SMARCAL1: variants seen among roughly 807,000 people sequenced by gnomAD.
SMARCAL1 encodes the protein SNF2 related chromatin remodeling annealing helicase 1, also known as ATP-driven annealing helicase.
A neutral mutation model predicts 94.5 loss-of-function variants in SMARCAL1; 58 were observed. That is an observed-to-expected ratio of 0.61 (90% confidence interval 0.50 to 0.76). The LOEUF (loss-of-function observed/expected upper bound fraction) is 0.76, where lower values mean the gene tolerates loss of function less well. SMARCAL1 is among the 30% of genes least tolerant of loss of function. The pLI, the probability that SMARCAL1 is intolerant of heterozygous loss-of-function variation, is 0.00. For synonymous variants in SMARCAL1, 422 were observed against 455.1 expected, an observed-to-expected ratio of 0.93 and a Z score of 0.93; for missense variants, 1,051 against 1,177.9, an observed-to-expected ratio of 0.89 and a Z score of 1.58.
chr2:216,435,389 G>C lies in SMARCAL1; in HGVS notation c.1537G>C (p.Val513Leu). The change falls in exon 9 of 18, where the codon GTG (valine) becomes CTG (leucine). Residue 513 changes from valine to leucine, a missense_variant. By Grantham distance (32) the Val-to-Leu change is conservative. This residue lies in a region of SMARCAL1 where 642 missense variants were observed against 754.7 expected (regional missense o/e 0.85). Coordinates refer to ENST00000357276, the MANE Select transcript of SMARCAL1 (RefSeq NM_014140.4). ...SLSPDCINVVVTGKDRLTAGL... is the reference protein window; with the variant it reads ...SLSPDCINVVLTGKDRLTAGL... ...GAGCCCAGATTGCATCAACGTCGTG[G>C]TGACTGGGAAGGACCGCCTGACAGC... 2 of 1,614,194 alleles carry C rather than the reference G, an allele frequency of 1.2e-6. No individual in the cohort carries two copies. Among genetic ancestry groups the C allele is most frequent in the Non-Finnish European group, 1.7e-6 (2 of 1,180,022 alleles).
At chr2:216,468,259 A>T (rs889053949) in intron 14 of SMARCAL1, among the ~76,000 whole-genome samples, 1 of 152,192 alleles carries the variant, frequency 6.6e-6, no homozygotes, top group East Asian at 1.9e-4. Context: ...CTCCAAATAG[A>T]TATCCCAGGA....
At chr2:216,468,383 A>C (rs139033892) in intron 14 of SMARCAL1, among the ~76,000 whole-genome samples, 1 of 152,214 alleles carries the variant, frequency 6.6e-6, no homozygotes, top group Non-Finnish European at 1.5e-5. Flanking sequence ...ACAAGTATTT[A>C]TGTGAATGTT....
chr2:216,463,766 G>T (rs967788435), intron 12 of SMARCAL1, among the ~76,000 whole-genome samples: 1 of 152,194 alleles, frequency 6.6e-6, no homozygotes, highest in South Asian at 2.1e-4. Flanking sequence ...AAATGGGCCA[G>T]GTGCGGTGAC....
intron 10 of SMARCAL1, among the ~76,000 whole-genome samples, chr2:216,441,527 A>G (rs1694196025): frequency 6.6e-6 from 1 of 152,240 alleles, no homozygotes. Flanking sequence ...ATTTTTCAAT[A>G]ACTATGGAGC....
intron 11 of SMARCAL1, 73 bp from the exon 12 acceptor site, chr2:216,450,773 C>A: frequency 2.4e-6 from 3 of 1,275,270 alleles, no homozygotes; most frequent in African/African-American, 1.5e-5. Flanking sequence ...AGGGACCTCC[C>A]GGGATCCCAA....
At chr2:216,442,436 A>AT (rs1559129316) in intron 10 of SMARCAL1, among the ~76,000 whole-genome samples, 1 of 150,044 alleles carries the variant, frequency 6.7e-6, no homozygotes, top group Non-Finnish European at 1.5e-5. Flanking sequence ...AAAAAAAAAA[A>AT]ATTCAAACAA....
intron 9 of SMARCAL1, among the ~76,000 whole-genome samples, chr2:216,435,915 T>C (rs1277548973): frequency 6.6e-6 from 1 of 152,164 alleles, no homozygotes; most frequent in Non-Finnish European, 1.5e-5. Flanking sequence ...AATGTGAAGA[T>C]ACACCCCCAC....
intron 10 of SMARCAL1, among the ~76,000 whole-genome samples, chr2:216,443,087 A>G (rs1047759295): frequency 6.6e-6 from 1 of 152,186 alleles, no homozygotes; most frequent in Admixed American, 6.5e-5. Context: ...GAGTAAAAAA[A>G]TCTACCTTAG....
chr2:216,425,930 T>TG (rs1288000964), intron 6 of SMARCAL1, among the ~76,000 whole-genome samples: 1 of 152,242 alleles, frequency 6.6e-6, no homozygotes, highest in Non-Finnish European at 1.5e-5. Context: ...GCTTAAAGGT[T>TG]GGGTTTCACT....
At chr2:216,458,438 A>G (rs551690577) in intron 12 of SMARCAL1, among the ~76,000 whole-genome samples, 1 of 152,354 alleles carries the variant, frequency 6.6e-6, no homozygotes, top group South Asian at 2.1e-4. Context: ...CCTCAATAAA[A>G]TACTGGCAAA....
intron 7 of SMARCAL1, among the ~76,000 whole-genome samples, chr2:216,430,784 CT>C (rs1455747992): frequency 1.3e-5 from 2 of 152,224 alleles, no homozygotes; most frequent in African/African-American, 2.4e-5. Context: ...GGGCGTGGGG[CT>C]CTCCATGGAT....
chr2:216,428,540 T>G (rs1463340580), intron 6 of SMARCAL1, 56 bp from the exon 7 acceptor site: 3 of 1,547,428 alleles, frequency 1.9e-6, no homozygotes, highest in Non-Finnish European at 2.7e-6. Context: ...CTCCTCTTTC[T>G]CCAAATCTTT....
intron 6 of SMARCAL1, among the ~76,000 whole-genome samples, chr2:216,427,720 G>A (rs1435845718): frequency 6.6e-6 from 1 of 152,100 alleles, no homozygotes; most frequent in East Asian, 1.9e-4. Flanking sequence ...TAAATATATT[G>A]AAAATACAAA....
chr2:216,442,076 GT>G (rs1489033364), intron 10 of SMARCAL1, among the ~76,000 whole-genome samples: 3 of 152,018 alleles, frequency 2.0e-5, no homozygotes, highest in Non-Finnish European at 2.9e-5. Context: ...AAGGTATAAG[GT>G]TTTTTTCTTT....
intron 12 of SMARCAL1, among the ~76,000 whole-genome samples, chr2:216,459,810 G>A (rs1377500559): frequency 6.6e-6 from 1 of 151,774 alleles, no homozygotes; most frequent in Non-Finnish European, 1.5e-5. Flanking sequence ...AAAAGCAATG[G>A]CAACAAAAGC....
chr2:216,444,446 A>G (rs1694261550), intron 10 of SMARCAL1, among the ~76,000 whole-genome samples: 1 of 152,018 alleles, frequency 6.6e-6, no homozygotes, highest in South Asian at 2.1e-4. Context: ...TGCTTCTTAT[A>G]TAAACTTAAG....
chr2:216,450,641 A>G (rs2738286), intron 11 of SMARCAL1, among the ~76,000 whole-genome samples: 3 of 152,206 alleles, frequency 2.0e-5, no homozygotes, highest in East Asian at 3.9e-4. Flanking sequence ...TTTTTTATTC[A>G]TCTCATTCCT....
chr2:216,417,678 G>A (rs935027531), intron 4 of SMARCAL1, among the ~76,000 whole-genome samples: 1 of 152,202 alleles, frequency 6.6e-6, no homozygotes, highest in Non-Finnish European at 1.5e-5. Context: ...TAACGCTGCT[G>A]CTGCTAGCTC....
intron 7 of SMARCAL1, among the ~76,000 whole-genome samples, chr2:216,430,790 A>G (rs1237762928): frequency 6.6e-6 from 1 of 152,256 alleles, no homozygotes; most frequent in African/African-American, 2.4e-5. Flanking sequence ...GGGGCTCTCC[A>G]TGGATTCCGT....
Sources: allele counts gnomAD v4.1 joint callset (sites outside exome capture counted in the v4.1 genomes callset), GRCh38; gene constraint gnomAD v4.1.1; regional missense constraint gnomAD v4.1.1; transcripts MANE v1.5; gene names NCBI Gene and HGNC (gene_info 2026-07-23, HGNC 2026-07-21).